Variants in OGDH observed in about 807,000 individuals in gnomAD.
The protein encoded by OGDH is oxoglutarate dehydrogenase, also known as 2-oxoglutarate dehydrogenase complex component E1.
OGDH carries 38 observed loss-of-function variants against 116.6 expected under a neutral mutation model. That is an observed-to-expected ratio of 0.33 (90% CI 0.25 to 0.43). The LOEUF is 0.43. Ranked by LOEUF, OGDH falls within the 20% of genes least tolerant of loss-of-function variation. OGDH has a pLI of 1.00. For missense variants in OGDH, 825 were observed against 1,357.2 expected (o/e 0.61, Z 6.16); for synonymous variants, 488 against 533.3 (o/e 0.92, Z 1.17).
intron 9 of OGDH, chr7:44,676,547 A>T (rs1297621821): frequency 4.1e-6 from 1 of 242,914 alleles, no homozygotes; most frequent in African/African-American, 2.2e-5. Context: ...CAAGAGCGAA[A>T]CTCTGTCTCA....
intron 2 of OGDH, among the ~76,000 whole-genome samples, chr7:44,630,900 G>C (rs1785411449): frequency 6.6e-6 from 1 of 152,112 alleles, no homozygotes; most frequent in Admixed American, 6.5e-5. Context: ...TTCTCATAAG[G>C]AGTGAACTTA....
intron 2 of OGDH, among the ~76,000 whole-genome samples, chr7:44,633,420 C>G (rs1785532252): frequency 6.6e-6 from 1 of 152,154 alleles, no homozygotes; most frequent in Non-Finnish European, 1.5e-5. Context: ...CTCAGCTTCC[C>G]CGCACAGTCT....
intron 3 of OGDH, 108 bp downstream of exon 3, chr7:44,645,626 C>A: frequency 9.7e-7 from 1 of 1,033,824 alleles, no homozygotes; most frequent in Admixed American, 2.8e-5. Flanking sequence ...TTTACTTATA[C>A]CTCCTCAAAT....
chr7:44,618,681 A>G (rs1475102553), intron 1 of OGDH, among the ~76,000 whole-genome samples: 1 of 152,186 alleles, frequency 6.6e-6, no homozygotes, highest in East Asian at 1.9e-4. Context: ...CCCCAGAAAC[A>G]GGCCTGTGGC....
intron 19 of OGDH, 26 bp from the exon 20 acceptor site, chr7:44,701,517 C>G: frequency 1.9e-6 from 3 of 1,604,872 alleles, no homozygotes; most frequent in Non-Finnish European, 8.5e-7. Context: ...TCTGATCCTT[C>G]ACGAGCCTAT....
chr7:44,700,369 T>C, intron 19 of OGDH, 100 bp downstream of exon 19: 1 of 1,473,672 alleles, frequency 6.8e-7, no homozygotes, highest in Non-Finnish European at 9.2e-7. Context: ...GTTAGCTAGG[T>C]GGGCACCTGC....
At chr7:44,672,257 T>C (rs1787495011) in intron 5 of OGDH, among the ~76,000 whole-genome samples, 4 of 152,178 alleles carry the variant, frequency 2.6e-5, no homozygotes, top group Admixed American at 1.3e-4. Flanking sequence ...GTCACGGAGC[T>C]TGTGTACAGG....
At chr7:44,631,468 A>C (rs1585248481) in intron 2 of OGDH, among the ~76,000 whole-genome samples, 1 of 152,200 alleles carries the variant, frequency 6.6e-6, no homozygotes, top group African/African-American at 2.4e-5. Flanking sequence ...CCACTTGATA[A>C]TCTTTAACTT....
chr7:44,606,996 C>A (rs1282203633), intron 1 of OGDH, among the ~76,000 whole-genome samples: 1 of 152,124 alleles, frequency 6.6e-6, no homozygotes, highest in African/African-American at 2.4e-5. Context: ...AGGGAGAGGG[C>A]GGTGCGTCCG....
chr7:44,664,436 G>A (rs1218061639), intron 4 of OGDH, among the ~76,000 whole-genome samples: 1 of 152,184 alleles, frequency 6.6e-6, no homozygotes, highest in African/African-American at 2.4e-5. Flanking sequence ...TAGTAGAGCA[G>A]TTTTTGTCTA....
chr7:44,644,451 AAC>A (rs1215899336), intron 2 of OGDH, among the ~76,000 whole-genome samples: 1 of 152,250 alleles, frequency 6.6e-6, no homozygotes, highest in East Asian at 1.9e-4. Flanking sequence ...TCAAACTGAT[AAC>A]TAACACCTGA....
chr7:44,643,517 T>C (rs1016821391), intron 2 of OGDH, among the ~76,000 whole-genome samples: 2 of 152,238 alleles, frequency 1.3e-5, no homozygotes, highest in African/African-American at 4.8e-5. Flanking sequence ...TGCATTATCA[T>C]TGTGTCTTTT....
At position 44,696,125 on chromosome 7, in the gene OGDH, C is replaced by T. The variant is rs755123230; in HGVS notation, c.1769C>T (p.Pro590Leu). Residue 590 changes from proline to leucine, a missense_variant and splice_region_variant, in exon 13 of 23, where the codon CCT (proline) becomes CTT (leucine). By Grantham distance (98) the Pro-to-Leu change is moderately conservative. Coordinates refer to ENST00000222673, the MANE Select transcript of OGDH (RefSeq NM_002541.4). Reference sequence around the variant, plus strand: ...AAGCACTGGCTGGACTCTCCCTGGCCTGGTGAGTGAAGAAACAGTGCCACA... The same window carrying T: ...AAGCACTGGCTGGACTCTCCCTGGCTTGGTGAGTGAAGAAACAGTGCCACA... ...HIKHWLDSPWPGFFTLDGQPR... is the reference protein window; with the variant it reads ...HIKHWLDSPWLGFFTLDGQPR... 1 of 1,592,504 alleles carries T rather than the reference C, an allele frequency of 6.3e-7. No individual in the cohort carries two copies. The highest frequency in any genetic ancestry group is 1.7e-5 in the Admixed American group (1 of 59,986).
At chr7:44,703,782 G>T (rs1585403638) in intron 20 of OGDH, among the ~76,000 whole-genome samples, 1 of 151,676 alleles carries the variant, frequency 6.6e-6, no homozygotes, top group Non-Finnish European at 1.5e-5. Context: ...CTACTCAGGA[G>T]GCTGAGGCAG....
In OGDH at chr7:44,681,622, G is replaced by A. The variant is rs989791466; in HGVS notation, c.1207-98G>A. On this transcript the variant is annotated intron_variant, in intron 9 of 22. Coordinates refer to ENST00000222673, the MANE Select transcript of OGDH (RefSeq NM_002541.4). ...TCTATGTTTGAAATTATCTCAAAACGTTATTTTTTGAAAAACAAATGATGC... is the reference window on the plus strand; with the variant it reads ...TCTATGTTTGAAATTATCTCAAAACATTATTTTTTGAAAAACAAATGATGC... 1.4e-5 allele frequency: 21 copies of A among 1,477,386 alleles called. No individual in the cohort carries two copies. In the Admixed American group the frequency reaches 3.4e-4, roughly 24 times the overall value. 91.5% of individuals were successfully genotyped at this position (1,477,386 alleles called of 1,614,324 possible).
Position 44,697,052 on chromosome 7 carries a change from G to T in OGDH, c.2039G>T (p.Arg680Leu). 6.2e-7 allele frequency: 1 copy of T among 1,613,884 alleles called. No individual in the cohort carries two copies. Among genetic ancestry groups the T allele is most frequent in the Non-Finnish European group, 8.5e-7 (1 of 1,179,764 alleles). The stretch of plus-strand genomic sequence containing the variant: ...CGGCTGAGCGGCCAGGACGTGGAGC[G>T]GGGCACATTCAGGTAACGTTCTGGG... ...HIRLSGQDVE[R>L]GTFSHRHHVL... is the part of the protein sequence containing the mutation. The change falls in exon 15 of 23, where the codon CGG (arginine) becomes CTG (leucine). Residue 680 changes from arginine (R) to leucine (L), a missense_variant. By Grantham distance (102) the Arg-to-Leu change is moderately radical. Coordinates refer to ENST00000222673, the MANE Select transcript of OGDH (RefSeq NM_002541.4). The surrounding 1 kb of genome is among the most constrained non-coding windows in gnomAD (Gnocchi z 6.0).
At position 44,697,578 on chromosome 7, in the gene OGDH, T is replaced by G. The variant is rs1428987735; in HGVS notation, c.2180-26T>G. On this transcript the variant is annotated intron_variant, in intron 16 of 22. Transcript: ENST00000222673. This position sits in a 1 kb window ranked among gnomAD's most constrained non-coding sequence, Gnocchi z 6.0. ...CTACTGGCTGGTGTCCTGGACATGG[T>G]TTTCTCCTTCCTTTGTCCCTTGTAG... The G allele has an allele frequency of 6.2e-7, 1 of 1,613,906 alleles. No individual in the cohort carries two copies. The highest frequency in any genetic ancestry group is 2.2e-5 in the East Asian group (1 of 44,870).
rs200859588 is a variant in OGDH, at chr7:44,696,460, C to T, written c.1803C>T (p.Ser601=). 1.1e-5 allele frequency: 17 copies of T among 1,614,198 alleles called. No individual in the cohort carries two copies. In the Admixed American group the frequency reaches 2.3e-4, roughly 22 times the overall value. The change falls in exon 14 of 23, where the codon AGC becomes AGT. Residue 601 remains serine, a synonymous_variant. Transcript: ENST00000222673. ...GFFTLDGQPR[S]MSCPSTGLTE... ...TCACCCTGGACGGGCAGCCCAGGAG[C>T]ATGTCCTGCCCCTCCACGGGTCTGA... is the stretch of plus-strand genomic sequence containing the variant.
intron 10 of OGDH, among the ~76,000 whole-genome samples, chr7:44,689,709 G>A (rs1788291694): frequency 1.3e-5 from 2 of 151,838 alleles, no homozygotes; most frequent in Non-Finnish European, 2.9e-5. Context: ...GTATATCTTT[G>A]GGGAAATTTC....
Sources: allele counts gnomAD v4.1 joint callset (sites outside exome capture counted in the v4.1 genomes callset), GRCh38; gene constraint gnomAD v4.1.1; non-coding constraint Gnocchi (gnomAD v3.1); transcripts MANE v1.5; gene names NCBI Gene and HGNC (gene_info 2026-07-23, HGNC 2026-07-21).